Variants in SIPA1 observed in about 807,000 individuals in gnomAD.
SIPA1 encodes signal-induced proliferation-associated 1.
SIPA1 carries 51 observed loss-of-function variants against 88.1 expected under a neutral mutation model. The ratio of observed to expected loss-of-function variants is 0.58; its 90% CI spans 0.46 to 0.73. The LOEUF (loss-of-function observed/expected upper bound fraction) is 0.73, where lower values mean the gene tolerates loss of function less well. Among genes scored for constraint, SIPA1 ranks in the 30% least tolerant of loss-of-function variants. SIPA1 has a pLI of 0.00. For synonymous variants in SIPA1, 681 were observed against 664.8 expected, an observed-to-expected ratio of 1.02 and a Z score of -0.37; for missense variants, 1,348 against 1,467.6, an observed-to-expected ratio of 0.92 and a Z score of 1.33.
rs1038301774 is a variant in SIPA1, at chr11:65,641,399, C to T, written c.478C>T (p.His160Tyr). 5.0e-6 allele frequency: 8 copies of T among 1,613,224 alleles called. No individual in the cohort carries two copies. Among genetic ancestry groups the T allele is most frequent in the Non-Finnish European group, 6.8e-6 (8 of 1,180,014 alleles). Residue 160 changes from histidine to tyrosine, a missense_variant, in exon 2 of 16, where the codon CAT becomes TAT. Coordinates refer to ENST00000534313, the MANE Select transcript of SIPA1 (RefSeq NM_006747.4). ...CCAGGCTGCCAGCTCGGACCTGCTG[C>T]ATGGGGCACCTGGCTTTGTGTGTGA... ...EDQAASSDLL[H>Y]GAPGFVCELG...
chr11:65,641,284 G>A lies in SIPA1; in HGVS notation c.363G>A (p.Val121=), dbSNP rs1347662444. The A allele has an allele frequency of 6.2e-7, 1 of 1,613,618 alleles. No individual in the cohort carries two copies. Among genetic ancestry groups the A allele is most frequent in the Non-Finnish European group, 8.5e-7 (1 of 1,180,032 alleles). Residue 121 remains valine (V), a synonymous_variant, in exon 2 of 16, where the codon GTG becomes GTA. Coordinates refer to ENST00000534313, the MANE Select transcript of SIPA1 (RefSeq NM_006747.4). ...CTCGATGGTTTGCCCACTATGACGT[G>A]CAAAGCCTGCTCTTTGATTGGGCTC... The part of the protein sequence containing the change: ...LEPRWFAHYD[V]QSLLFDWAPR...
Position 65,650,706 on chromosome 11 carries a change from C to A in SIPA1, c.3120C>A (p.Asp1040Glu). The change falls in exon 16 of 16, where the codon GAC becomes GAA. Residue 1040 changes from aspartate (D) to glutamate (E), a missense_variant. Coordinates refer to ENST00000534313, the MANE Select transcript of SIPA1 (RefSeq NM_006747.4). ...ASKQLGSPTA[D>E]LA ...AGCAGCTGGGCTCACCCACCGCCGA[C>A]CTGGCCTGAGCCGTCTGGAACCACC... The A allele has an allele frequency of 6.3e-7, 1 of 1,578,066 alleles. No individual in the cohort carries two copies. The highest frequency in any genetic ancestry group is 8.6e-7 in the Non-Finnish European group (1 of 1,162,142).
At chr11:65,639,738 C>T (rs1855966143) in intron 1 of SIPA1, 1 of 152,294 alleles carries the variant, frequency 6.6e-6, no homozygotes, top group Admixed American at 6.5e-5. Context: ...GCACCTGCCT[C>T]TGGCGTCACG....
Position 65,642,242 on chromosome 11 carries a change from TC to T in SIPA1, c.680-3del. 6.5e-7 allele frequency: 1 copy of T among 1,550,000 alleles called. No homozygotes were observed. The highest frequency in any genetic ancestry group is 1.4e-5 in the African/African-American group (1 of 72,892). On this transcript the variant is annotated splice_polypyrimidine_tract_variant and splice_region_variant and intron_variant, in intron 2 of 15. Coordinates refer to ENST00000534313, the MANE Select transcript of SIPA1 (RefSeq NM_006747.4). This position sits in a 1 kb window ranked among gnomAD's most constrained non-coding sequence, Gnocchi z 6.5. Reference sequence around the variant, plus strand: ...GGACCAATCGTTTTCTTCGGCGCGGTCCCCCAGAACATCAGAACTTCTTCGG... The same window carrying T: ...GGACCAATCGTTTTCTTCGGCGCGGTCCCCAGAACATCAGAACTTCTTCGG...
In SIPA1 at chr11:65,647,368, C is replaced by A; in HGVS notation, c.2032-16C>A. ...CCTCCCGGCAGCCCCGCCCACTCGT[C>A]CCGCCCCGTCCGCAGCTGGTGAGCC... On this transcript the variant is annotated splice_polypyrimidine_tract_variant and intron_variant, in intron 8 of 15. Coordinates refer to ENST00000534313, the MANE Select transcript of SIPA1 (RefSeq NM_006747.4). 7.1e-7 allele frequency: 1 copy of A among 1,410,774 alleles called. No homozygotes were observed. The highest frequency in any genetic ancestry group is 9.2e-7 in the Non-Finnish European group (1 of 1,092,458). The allele number at this position is 1,410,774 out of a possible 1,614,324, so 87.4% of individuals were successfully genotyped here.
rs1012092256 is a variant in SIPA1, at chr11:65,642,281, G to A, written c.711G>A (p.Ser237=). 4 of 1,554,292 alleles carry A rather than the reference G, an allele frequency of 2.6e-6. No individual in the cohort carries two copies. The highest frequency in any genetic ancestry group is 1.4e-5 in the African/African-American group (1 of 73,024). The stretch of plus-strand genomic sequence containing the variant: ...AGAACTTCTTCGGGATGGACGAGTC[G>A]CTGGGCCCGGTGGCAGTGAGCCTGC... ...EHQNFFGMDE[S]LGPVAVSLRR... is the part of the protein sequence containing the mutation. Residue 237 remains serine, a synonymous_variant, in exon 3 of 16, where the codon TCG becomes TCA. Transcript: ENST00000534313. This position sits in a 1 kb window ranked among gnomAD's most constrained non-coding sequence, Gnocchi z 6.5.
chr11:65,647,746 C>G, intron 9 of SIPA1, 88 bp downstream of exon 9: 1 of 1,091,570 alleles, frequency 9.2e-7, no homozygotes, highest in Non-Finnish European at 1.2e-6. Context: ...TCAGCAGTTT[C>G]AGGAACCCAG....
At chr11:65,641,646 G>A in intron 2 of SIPA1, 46 bp downstream of exon 2, 2 of 1,515,308 alleles carry the variant, frequency 1.3e-6, no homozygotes, top group Non-Finnish European at 9.0e-7. Context: ...GGCTGAAGAA[G>A]AGGTCCCTGT....
At position 65,641,045 on chromosome 11, in the gene SIPA1, G is replaced by C. The variant is rs776317318; in HGVS notation, c.124G>C (p.Glu42Gln). The change falls in exon 2 of 16, where the codon GAG becomes CAG. Residue 42 changes from glutamate (E) to glutamine (Q), a missense_variant. By Grantham distance (29) the Glu-to-Gln change is conservative. Around this residue, in one of 4 missense-constraint regions of SIPA1, gnomAD observed 641 missense variants for 797.7 expected, o/e 0.80. Coordinates refer to ENST00000534313, the MANE Select transcript of SIPA1 (RefSeq NM_006747.4). ...ARPPLTPHTFEPRPVRGPLLR... is the reference protein window; with the variant it reads ...ARPPLTPHTFQPRPVRGPLLR... ...GCCCCCGCTGACACCGCACACCTTCGAGCCGAGGCCAGTCCGGGGCCCACT... is the reference window on the plus strand; with the variant it reads ...GCCCCCGCTGACACCGCACACCTTCCAGCCGAGGCCAGTCCGGGGCCCACT... The C allele has an allele frequency of 2.5e-6, 4 of 1,594,212 alleles. No individual in the cohort carries two copies. Among genetic ancestry groups the C allele is most frequent in the East Asian group, 2.3e-5 (1 of 44,420 alleles).
At position 65,642,025 on chromosome 11, in the gene SIPA1, C is replaced by T. The variant is rs926224472; in HGVS notation, c.680-225C>T. 6 of 603,170 alleles carry T rather than the reference C, an allele frequency of 9.9e-6. No homozygotes were observed. The highest frequency in any genetic ancestry group is 5.7e-5 in the African/African-American group (3 of 52,632). The allele number at this position is 603,170 out of a possible 1,614,324, so 37.4% of individuals were successfully genotyped here. Reference sequence around the variant, plus strand: ...GGTGGAGCCAAGGCAGGATTTAGGCCTGGGAGCTGGCCGCGTGGGTCTAGG... The same window carrying T: ...GGTGGAGCCAAGGCAGGATTTAGGCTTGGGAGCTGGCCGCGTGGGTCTAGG... On this transcript the variant is annotated intron_variant, in intron 2 of 15. Coordinates refer to ENST00000534313, the MANE Select transcript of SIPA1 (RefSeq NM_006747.4). This position sits in a 1 kb window ranked among gnomAD's most constrained non-coding sequence, Gnocchi z 6.5.
intron 9 of SIPA1, among the ~76,000 whole-genome samples, chr11:65,648,552 GA>G (rs1326299204): frequency 1.3e-5 from 2 of 152,018 alleles, no homozygotes; most frequent in African/African-American, 4.8e-5. Flanking sequence ...GTAAAATCCG[GA>G]CCGGGCGCGG....
chr11:65,649,944 C>T lies in SIPA1; in HGVS notation c.2747-6C>T, dbSNP rs1856227252. The T allele has an allele frequency of 6.2e-7, 1 of 1,613,914 alleles. No individual in the cohort carries two copies. The highest frequency in any genetic ancestry group is 8.5e-7 in the Non-Finnish European group (1 of 1,179,940). On this transcript the variant is annotated splice_region_variant and splice_polypyrimidine_tract_variant and intron_variant, in intron 12 of 15. Coordinates refer to ENST00000534313, the MANE Select transcript of SIPA1 (RefSeq NM_006747.4). ...CCCTAGCTCAGCCTGCTCCTTGTGC[C>T]CACAGTCATGTCGGAGGCGGGCAGT...
In SIPA1 at chr11:65,642,805, C is replaced by A. The variant is rs975694404; in HGVS notation, c.984+166C>A. ...GCATCAGAGTTCATCTGGAGCCTTG[C>A]GTCTCAAAGTGAGCTCTGTAGACCA... On this transcript the variant is annotated intron_variant, in intron 4 of 15. Transcript: ENST00000534313. This position sits in a 1 kb window ranked among gnomAD's most constrained non-coding sequence, Gnocchi z 6.5. Among the ~76,000 whole-genome samples, 2 of 152,182 alleles carry A rather than the reference C, an allele frequency of 1.3e-5. No homozygotes were observed. Among genetic ancestry groups the A allele is most frequent in the African/African-American group, 2.4e-5 (1 of 41,432 alleles).
In SIPA1 at chr11:65,641,555, G is replaced by A. The variant is rs1472663176; in HGVS notation, c.634G>A (p.Ala212Thr). The A allele has an allele frequency of 9.9e-6, 16 of 1,611,924 alleles. No homozygotes were observed. The highest frequency in any genetic ancestry group is 1.6e-4 in the Middle Eastern group (1 of 6,068). Residue 212 changes from alanine to threonine, a missense_variant, in exon 2 of 16, where the codon GCA (alanine) becomes ACA (threonine). By Grantham distance (58) the Ala-to-Thr change is moderately conservative (BLOSUM62 0). Transcript: ENST00000534313. ...AACCTCGGCCTACAGCCTGGAGCAC[G>A]CAGACCTGGGTGCTGGCTACTACCG... ...NRTSAYSLEH[A>T]DLGAGYYRKY...
In SIPA1 at chr11:65,641,308, T is replaced by C. The variant is rs757483338; in HGVS notation, c.387T>C (p.Ala129=). ...YDVQSLLFDW[A]PRSQGMGSHS... ...TGCAAAGCCTGCTCTTTGATTGGGCTCCGAGGTCTCAGGGGATGGGGAGCC... is the reference window on the plus strand; with the variant it reads ...TGCAAAGCCTGCTCTTTGATTGGGCCCCGAGGTCTCAGGGGATGGGGAGCC... The change falls in exon 2 of 16, where the codon GCT becomes GCC. Residue 129 remains alanine, a synonymous_variant. Transcript: ENST00000534313. 3 of 1,613,616 alleles carry C rather than the reference T, an allele frequency of 1.9e-6. No homozygotes were observed. The highest frequency in any genetic ancestry group is 2.5e-6 in the Non-Finnish European group (3 of 1,180,026).
In SIPA1 at chr11:65,638,137, G is replaced by T. The variant is rs1855932742; in HGVS notation, c.-137G>T. The T allele has an allele frequency of 6.6e-6, 1 of 152,348 alleles. No individual in the cohort carries two copies. Among genetic ancestry groups the T allele is most frequent in the African/African-American group, 2.4e-5 (1 of 41,448 alleles). 9.4% of individuals were successfully genotyped at this position (152,348 alleles called of 1,614,324 possible). A position where few individuals can be genotyped will look rare whatever the true frequency, so the allele number is the denominator to read the frequency against. On this transcript the variant is annotated 5_prime_UTR_variant, in exon 1 of 16. Coordinates refer to ENST00000534313, the MANE Select transcript of SIPA1 (RefSeq NM_006747.4). ...CGGGAGCGGTAGCGGGAGAGCGGCA[G>T]CGGGACCCCAGCGCGGGCGGCGGCG...
In SIPA1 at chr11:65,649,933, G is replaced by A. The variant is rs201378340; in HGVS notation, c.2747-17G>A. 8.0e-4 allele frequency: 1,287 copies of A among 1,613,752 alleles called. 3 individuals carry two copies. The highest frequency in any genetic ancestry group is 1.0e-3 in the Non-Finnish European group (1,181 of 1,179,852). ...CTCCTGGGCTTCCCTAGCTCAGCCT[G>A]CTCCTTGTGCCCACAGTCATGTCGG... is the stretch of plus-strand genomic sequence containing the variant. On this transcript the variant is annotated splice_polypyrimidine_tract_variant and intron_variant, in intron 12 of 15. Coordinates refer to ENST00000534313, the MANE Select transcript of SIPA1 (RefSeq NM_006747.4).
intron 4 of SIPA1, among the ~76,000 whole-genome samples, chr11:65,644,243 G>C (rs55796623): frequency 6.6e-6 from 1 of 151,490 alleles, no homozygotes; most frequent in African/African-American, 2.4e-5. Flanking sequence ...CAGCCAGGGA[G>C]GGGGAGGAGC....
chr11:65,646,640 C>T lies in SIPA1; in HGVS notation c.1606C>T (p.Leu536=). The T allele has an allele frequency of 1.3e-6, 2 of 1,548,540 alleles. No homozygotes were observed. The highest frequency in any genetic ancestry group is 1.7e-6 in the Non-Finnish European group (2 of 1,149,968). ...GGCCACGCGCACCCGCCAGCAGTACCTGCAAGACCTGGCCACCAACGAGGT... is the reference window on the plus strand; with the variant it reads ...GGCCACGCGCACCCGCCAGCAGTACTTGCAAGACCTGGCCACCAACGAGGT... ...AMATRTRQQY[L]QDLATNEVTT... Residue 536 remains leucine, a synonymous_variant, in exon 8 of 16, where the codon CTG becomes TTG. Transcript: ENST00000534313. The surrounding 1 kb of genome is among the most constrained non-coding windows in gnomAD (Gnocchi z 7.5).
Sources: allele counts gnomAD v4.1 joint callset (sites outside exome capture counted in the v4.1 genomes callset), GRCh38; gene constraint gnomAD v4.1.1; regional missense constraint gnomAD v4.1.1; non-coding constraint Gnocchi (gnomAD v3.1); transcripts MANE v1.5; gene names NCBI Gene and HGNC (gene_info 2026-07-23, HGNC 2026-07-21).